Variants in KALRN observed in about 807,000 individuals in gnomAD.
KALRN encodes kalirin RhoGEF kinase, also known as kalirin.
A neutral mutation model predicts 353.7 loss-of-function variants in KALRN; 70 were observed. That is an observed-to-expected ratio of 0.20 (90% CI 0.16 to 0.24). The LOEUF (loss-of-function observed/expected upper bound fraction) is 0.24, where lower values mean the gene tolerates loss of function less well. Among genes scored for constraint, KALRN ranks in the 10% least tolerant of loss-of-function variants. The probability of loss-of-function intolerance (pLI) is 1.00; values close to 1 mark genes in which losing one functional copy is unlikely to be tolerated. For missense variants in KALRN, 2,791 were observed against 3,756.7 expected (o/e 0.74, Z 6.72); for synonymous variants, 1,391 against 1,434.8 (o/e 0.97, Z 0.69).
chr3:124,549,320 AACACACAC>A (rs10542227), intron 33 of KALRN, among the ~76,000 whole-genome samples: 2,547 of 146,024 alleles, frequency 0.017, 66 homozygotes, highest in African/African-American at 0.06. Context: ...CCAAGAAGCC[AACACACAC>A]ACACACACAC....
intron 1 of KALRN, among the ~76,000 whole-genome samples, chr3:124,192,801 C>G (rs2075068010): frequency 6.6e-6 from 1 of 152,178 alleles, no homozygotes; most frequent in African/African-American, 2.4e-5. Context: ...AGAAACCAAA[C>G]CTGCTGACAC....
chr3:124,267,409 C>T (rs1365245219), intron 4 of KALRN, among the ~76,000 whole-genome samples: 1 of 152,204 alleles, frequency 6.6e-6, no homozygotes, highest in Non-Finnish European at 1.5e-5. Flanking sequence ...GATGCCAATA[C>T]TGCTGGTCTG....
At chr3:124,438,761 G>C in intron 17 of KALRN, 127 bp from the exon 18 acceptor site, 3 of 711,600 alleles carry the variant, frequency 4.2e-6, no homozygotes, top group Non-Finnish European at 6.5e-6. Context: ...ATTTCTCTTA[G>C]ATGTCTCAGA....
intron 1 of KALRN, among the ~76,000 whole-genome samples, chr3:124,195,531 T>C (rs1257855790): frequency 6.6e-6 from 1 of 152,100 alleles, no homozygotes; most frequent in Non-Finnish European, 1.5e-5. Context: ...AGAAATCTTT[T>C]TCCCCTCCTC....
chr3:124,228,187 A>C, intron 2 of KALRN, 123 bp downstream of exon 2: 1 of 825,912 alleles, frequency 1.2e-6, no homozygotes, highest in East Asian at 2.5e-5. Context: ...TGCTTGGGGC[A>C]GCTGCTTTCT....
chr3:124,645,833 TG>T (rs1161787912), intron 37 of KALRN, among the ~76,000 whole-genome samples: 4 of 152,150 alleles, frequency 2.6e-5, no homozygotes, highest in Non-Finnish European at 4.4e-5. Context: ...GAGGGATTAT[TG>T]GGTCATATGA....
chr3:124,671,636 T>G, intron 47 of KALRN, 24 bp from the exon 48 acceptor site: 1 of 1,555,508 alleles, frequency 6.4e-7, no homozygotes, highest in East Asian at 2.2e-5. Flanking sequence ...AAGCTTAGAG[T>G]AACCACCTGC....
chr3:124,344,194 T>A (rs1581175297), intron 9 of KALRN, among the ~76,000 whole-genome samples: 1 of 152,258 alleles, frequency 6.6e-6, no homozygotes, highest in East Asian at 1.9e-4. Flanking sequence ...AGGATTTGAC[T>A]AGAAAGTCAA....
chr3:124,542,491 C>T (rs1432906442), intron 33 of KALRN, among the ~76,000 whole-genome samples: 4 of 152,170 alleles, frequency 2.6e-5, no homozygotes, highest in Non-Finnish European at 5.9e-5. Context: ...TTTTGGATAT[C>T]CCTTTCTAAA....
intron 33 of KALRN, among the ~76,000 whole-genome samples, chr3:124,498,700 TCAA>T (rs772366787): frequency 5.9e-5 from 9 of 152,168 alleles, no homozygotes; most frequent in Non-Finnish European, 1.3e-4. Context: ...AGTCACACTT[TCAA>T]AATAAGGGGA....
intron 56 of KALRN, among the ~76,000 whole-genome samples, chr3:124,700,983 A>G (rs1431526923): frequency 6.6e-6 from 1 of 152,224 alleles, no homozygotes; most frequent in Non-Finnish European, 1.5e-5. Flanking sequence ...TCAGAATTCA[A>G]GATGGATAAG....
chr3:124,118,680 T>TA (rs1371124888), intron 1 of KALRN, among the ~76,000 whole-genome samples: 2 of 152,198 alleles, frequency 1.3e-5, no homozygotes, highest in Non-Finnish European at 2.9e-5. Context: ...CATTGCACTC[T>TA]AAAAAAAGTA....
intron 49 of KALRN, among the ~76,000 whole-genome samples, chr3:124,676,717 G>A (rs970588697): frequency 6.6e-6 from 1 of 152,196 alleles, no homozygotes; most frequent in Non-Finnish European, 1.5e-5. Context: ...CCTTTCAGCA[G>A]GGATCTCCCT....
At chr3:124,718,452 C>T (rs151184) in intron 59 of KALRN, among the ~76,000 whole-genome samples, 98,264 of 151,938 alleles carry the variant, frequency 0.65, 32,390 homozygotes, top group African/African-American at 0.76. Flanking sequence ...AGAATCTGGG[C>T]TGTCACACAA....
chr3:124,637,186 T>C, intron 36 of KALRN, 22 bp from the exon 37 acceptor site: 5 of 1,586,658 alleles, frequency 3.2e-6, no homozygotes, highest in South Asian at 1.1e-5. Context: ...CTGCTTTTCC[T>C]CTGCTGCCCG....
intron 6 of KALRN, among the ~76,000 whole-genome samples, chr3:124,313,468 T>C (rs2078491470): frequency 6.6e-6 from 1 of 152,230 alleles, no homozygotes; most frequent in Non-Finnish European, 1.5e-5. Flanking sequence ...GAACTTCCCT[T>C]TTCTTCTGAC....
intron 1 of KALRN, among the ~76,000 whole-genome samples, chr3:124,155,640 A>G (rs970978249): frequency 2.0e-5 from 3 of 152,384 alleles, no homozygotes; most frequent in South Asian, 4.1e-4. Context: ...TAGAAGATGG[A>G]TATGGAGTGG....
In KALRN at chr3:124,555,835, C is replaced by CTCTG. The variant is rs529877155; in HGVS notation, c.4936-7007_4936-7004dup. Among the ~76,000 whole-genome samples, 149 of 152,298 alleles carry CTCTG rather than the reference C, an allele frequency of 9.8e-4. 1 individual carries two copies. Among genetic ancestry groups the CTCTG allele is most frequent in the African/African-American group, 2.9e-3 (122 of 41,552 alleles). ...ATAGGACCATGAGCAAGACGGAATG[C>CTCTG]TCTGCTCTTCTGTATCTTACATAGG... On this transcript the variant is annotated intron_variant, in intron 33 of 59. Transcript: ENST00000682506.
At position 124,671,637 on chromosome 3, in the gene KALRN, A is replaced by G. The variant is rs774370894; in HGVS notation, c.6704-23A>G. On this transcript the variant is annotated intron_variant, in intron 47 of 59. Coordinates refer to ENST00000682506, the MANE Select transcript of KALRN (RefSeq NM_001388419.1). ...TTGTGGGATTCCCAAAGCTTAGAGTAACCACCTGCTCTTATCCCACAGCAC... is the reference window on the plus strand; with the variant it reads ...TTGTGGGATTCCCAAAGCTTAGAGTGACCACCTGCTCTTATCCCACAGCAC... 4 of 1,557,944 alleles carry G rather than the reference A, an allele frequency of 2.6e-6. No homozygotes were observed. The African/African-American group carries it at 4.1e-5, about 16-fold the overall frequency.
Sources: gnomAD v4.1 joint callset for allele counts (sites outside exome capture counted in the v4.1 genomes callset) on GRCh38, gnomAD v4.1.1 for gene constraint, MANE v1.5 for transcripts, NCBI Gene and HGNC (gene_info 2026-07-23, HGNC 2026-07-21) for gene names.